Variants in XPR1 observed in about 807,000 individuals in gnomAD.
The protein encoded by XPR1 is xenotropic and polytropic retrovirus receptor 1.
Under a neutral mutation model 87.5 loss-of-function variants are expected in XPR1, and 28 were observed. That is an observed-to-expected ratio of 0.32 (90% CI 0.24 to 0.44). XPR1 has a LOEUF of 0.44. XPR1 is among the 20% of genes least tolerant of loss of function. The pLI, the probability that XPR1 is intolerant of heterozygous loss-of-function variation, is 1.00. For synonymous variants in XPR1, 300 were observed against 306.1 expected (o/e 0.98, Z 0.21); for missense variants, 559 against 862.3 (o/e 0.65, Z 4.41).
chr1:180,841,823 TA>T (rs1651525610), intron 11 of XPR1, among the ~76,000 whole-genome samples: 1 of 152,300 alleles, frequency 6.6e-6, no homozygotes, highest in East Asian at 1.9e-4. Flanking sequence ...TGCTACATGT[TA>T]AATATTCATA....
intron 7 of XPR1, among the ~76,000 whole-genome samples, chr1:180,824,340 T>C (rs1650746227): frequency 6.6e-6 from 1 of 152,162 alleles, no homozygotes; most frequent in African/African-American, 2.4e-5. Context: ...CCCAACACTT[T>C]GGGAGGCCAA....
chr1:180,847,656 TCA>T (rs1430384269), intron 11 of XPR1, among the ~76,000 whole-genome samples: 1 of 152,144 alleles, frequency 6.6e-6, no homozygotes, highest in East Asian at 1.9e-4. Flanking sequence ...GTGAAAAAAC[TCA>T]CATGCAAAAT....
intron 1 of XPR1, among the ~76,000 whole-genome samples, chr1:180,676,040 C>G (rs954759989): frequency 1.3e-5 from 2 of 152,136 alleles, no homozygotes; most frequent in African/African-American, 2.4e-5. Flanking sequence ...AAATTTGATT[C>G]AGTTTTATAA....
At chr1:180,816,549 A>G (rs904384042) in intron 7 of XPR1, among the ~76,000 whole-genome samples, 37 of 152,212 alleles carry the variant, frequency 2.4e-4, no homozygotes, top group African/African-American at 8.4e-4. Context: ...TATTGTTTGT[A>G]ATAGTATCCA....
intron 3 of XPR1, among the ~76,000 whole-genome samples, chr1:180,790,892 G>GA (rs1558009772): frequency 1.3e-5 from 2 of 152,036 alleles, no homozygotes; most frequent in African/African-American, 2.4e-5. Context: ...TTCTGTATGG[G>GA]AAAAATATAC....
At chr1:180,661,282 A>T (rs1655764944) in intron 1 of XPR1, among the ~76,000 whole-genome samples, 1 of 150,608 alleles carries the variant, frequency 6.6e-6, no homozygotes, top group Non-Finnish European at 1.5e-5. Context: ...AGATCTTGTT[A>T]AAAAAAAACA....
chr1:180,786,407 G>T lies in XPR1; in HGVS notation c.122-1346G>T, dbSNP rs758977194. Among the ~76,000 whole-genome samples the T allele has an allele frequency of 2.6e-5, 4 of 152,210 alleles. No homozygotes were observed. In the East Asian group the frequency reaches 7.7e-4, roughly 29 times the overall value. ...TGCACTGAGTTTTGGGGGACCCGGG[G>T]CTCAGAAAGGAATCTATACTTTTTC... On this transcript the variant is annotated intron_variant, in intron 2 of 14. Transcript: ENST00000367590.
At chr1:180,684,742 T>C (rs1383140054) in intron 2 of XPR1, among the ~76,000 whole-genome samples, 2 of 152,208 alleles carry the variant, frequency 1.3e-5, no homozygotes, top group Non-Finnish European at 2.9e-5. Flanking sequence ...TTTATTCTCT[T>C]TGAAGCAATG....
intron 9 of XPR1, among the ~76,000 whole-genome samples, chr1:180,833,656 A>G (rs1041159509): frequency 6.6e-6 from 1 of 152,214 alleles, no homozygotes; most frequent in Non-Finnish European, 1.5e-5. Context: ...AAAAACAAGA[A>G]CAAAGCTTTT....
chr1:180,843,264 A>G (rs1003764067), intron 11 of XPR1, among the ~76,000 whole-genome samples: 1 of 149,444 alleles, frequency 6.7e-6, no homozygotes, highest in Admixed American at 6.8e-5. Flanking sequence ...TCTCTAGGGA[A>G]ATTTTTGTTT....
intron 7 of XPR1, among the ~76,000 whole-genome samples, chr1:180,820,276 C>T (rs1219423380): frequency 6.6e-6 from 1 of 152,138 alleles, no homozygotes; most frequent in African/African-American, 2.4e-5. Context: ...GGAAACCCCA[C>T]TCTCCATTCC....
At chr1:180,787,926 C>CTGATCAA (rs1487403572) in intron 3 of XPR1, 72 bp downstream of exon 3, 1 of 1,108,592 alleles carries the variant, frequency 9.0e-7, no homozygotes, top group Non-Finnish European at 1.3e-6. Context: ...GTTTAAACTT[C>CTGATCAA]TGATCAATGT....
At chr1:180,774,821 G>C (rs1648651388) in intron 2 of XPR1, among the ~76,000 whole-genome samples, 1 of 152,024 alleles carries the variant, frequency 6.6e-6, no homozygotes, top group Non-Finnish European at 1.5e-5. Flanking sequence ...CTTTAGTCTG[G>C]GTAATATATA....
chr1:180,666,587 A>G (rs1308146764), intron 1 of XPR1, among the ~76,000 whole-genome samples: 1 of 152,120 alleles, frequency 6.6e-6, no homozygotes, highest in Non-Finnish European at 1.5e-5. Flanking sequence ...TGTTTCTGCA[A>G]TTTGTTGTTT....
At position 180,669,653 on chromosome 1, in the gene XPR1, C is replaced by T. The variant is rs575398858; in HGVS notation, c.70-12707C>T. 7.9e-5 allele frequency among the ~76,000 whole-genome samples: 12 copies of T among 152,198 alleles called. No individual in the cohort carries two copies. The South Asian group carries it at 2.1e-3, about 26-fold the overall frequency. On this transcript the variant is annotated intron_variant, in intron 1 of 14. Coordinates refer to ENST00000367590, the MANE Select transcript of XPR1 (RefSeq NM_004736.4). ...CTGGGATTACAGATGTGAGCCACTG[C>T]GTATAAATGTTTATACAGTAGTTCC...
intron 1 of XPR1, among the ~76,000 whole-genome samples, chr1:180,649,936 C>T (rs2101903055): frequency 6.6e-6 from 1 of 152,212 alleles, no homozygotes. Context: ...CTGATACTTC[C>T]ACTTCCTCAA....
chr1:180,835,273 TAC>T (rs1239152625), intron 10 of XPR1, among the ~76,000 whole-genome samples: 1 of 152,226 alleles, frequency 6.6e-6, no homozygotes, highest in Admixed American at 6.5e-5. Context: ...ATTTACAACT[TAC>T]ACTTAAAGAA....
At chr1:180,835,695 G>C (rs2102168878) in intron 10 of XPR1, among the ~76,000 whole-genome samples, 1 of 152,242 alleles carries the variant, frequency 6.6e-6, no homozygotes, top group Admixed American at 6.5e-5. Context: ...CAGAATTCAA[G>C]GAAAAGTTGA....
intron 2 of XPR1, among the ~76,000 whole-genome samples, chr1:180,711,233 A>G (rs185243397): frequency 0.034 from 5,111 of 151,466 alleles, 92 homozygotes; most frequent in African/African-American, 0.07. Flanking sequence ...AGAGGCTGCA[A>G]TCTCGGCACT....
Sources: allele counts gnomAD v4.1 joint callset (sites outside exome capture counted in the v4.1 genomes callset), GRCh38; gene constraint gnomAD v4.1.1; transcripts MANE v1.5; gene names NCBI Gene and HGNC (gene_info 2026-07-23, HGNC 2026-07-21).